TULP4: variants seen among roughly 807,000 people sequenced by gnomAD.
TULP4 encodes TUB like protein 4.
Under a neutral mutation model 129.0 loss-of-function variants are expected in TULP4, and 16 were observed. The observed-to-expected ratio is 0.12, with a 90% CI of 0.08 to 0.19. TULP4 has a LOEUF of 0.19. TULP4 is among the 10% of genes least tolerant of loss of function. TULP4 has a pLI of 1.00. For synonymous variants in TULP4, 998 were observed against 854.0 expected, an observed-to-expected ratio of 1.17 and a Z score of -2.94; for missense variants, 1,842 against 2,059.1, an observed-to-expected ratio of 0.89 and a Z score of 2.04.
upstream of TULP4, among the ~76,000 whole-genome samples, chr6:158,309,497 G>A (rs1779296803): frequency 1.3e-5 from 2 of 151,888 alleles, no homozygotes; most frequent in Non-Finnish European, 2.9e-5. Flanking sequence ...GTGGCGGCCG[G>A]GCAGAGGCTG....
chr6:158,380,916 G>A (rs866674098), intron 1 of TULP4, among the ~76,000 whole-genome samples: 312 of 79,968 alleles, frequency 3.9e-3, no homozygotes, highest in African/African-American at 8.6e-3. Context: ...AAAAAAAGAA[G>A]AAGAAGAAGA....
chr6:158,349,721 C>T (rs1369073735), intron 1 of TULP4, among the ~76,000 whole-genome samples: 1 of 131,668 alleles, frequency 7.6e-6, no homozygotes, highest in Admixed American at 7.8e-5. Context: ...GATGGGCGGC[C>T]GGGCAGAGGT....
intron 1 of TULP4, among the ~76,000 whole-genome samples, chr6:158,243,847 GGTGTGTGT>G (rs57298904): frequency 0.042 from 6,095 of 143,548 alleles, 175 homozygotes; most frequent in Admixed American, 0.08. Context: ...AGCTGAAATA[GGTGTGTGT>G]GTGTGTGTGT....
Position 158,420,504 on chromosome 6 carries a change from C to G in TULP4, c.381+7311C>G, listed in dbSNP as rs77490148. ...TTTTTGTTTTGTTTTGTTTTCTGAC[C>G]GAGTTTCATTCTTGTTGCCTAGGCT... On this transcript the variant is annotated intron_variant, in intron 2 of 13. Coordinates refer to ENST00000367097, the MANE Select transcript of TULP4 (RefSeq NM_020245.5). Among the ~76,000 whole-genome samples the G allele has an allele frequency of 5.2e-4, 79 of 152,184 alleles. No individual in the cohort carries two copies. In the East Asian group the frequency reaches 0.014, roughly 27 times the overall value.
At chr6:158,459,903 T>C (rs1235385218) in intron 5 of TULP4, among the ~76,000 whole-genome samples, 2 of 152,182 alleles carry the variant, frequency 1.3e-5, no homozygotes, top group East Asian at 3.8e-4. Context: ...CTGAGATAGA[T>C]CCAGGCATTG....
At chr6:158,242,121 A>C (rs1180661519) in intron 1 of TULP4, 4 of 875,882 alleles carry the variant, frequency 4.6e-6, no homozygotes, top group Non-Finnish European at 7.8e-6. Context: ...GAAGCTGCAG[A>C]ATATAGGCCA....
intron 3 of TULP4, among the ~76,000 whole-genome samples, chr6:158,438,986 A>G (rs1157592986): frequency 6.6e-6 from 1 of 152,054 alleles, no homozygotes; most frequent in Non-Finnish European, 1.5e-5. Flanking sequence ...CTTGGCTAAC[A>G]CGGTGAAACT....
chr6:158,309,690 A>G (rs1218704632), upstream of TULP4, among the ~76,000 whole-genome samples: 2 of 152,044 alleles, frequency 1.3e-5, no homozygotes, highest in Non-Finnish European at 2.9e-5. Context: ...GGAGCTGGAG[A>G]CCAGCCTGGC....
intron 3 of TULP4, among the ~76,000 whole-genome samples, chr6:158,441,612 G>A (rs1478449057): frequency 6.6e-6 from 1 of 152,156 alleles, no homozygotes; most frequent in African/African-American, 2.4e-5. Context: ...GTGTTAGGAG[G>A]GGTGAGATGT....
At chr6:158,361,945 A>G (rs1008139340) in intron 1 of TULP4, among the ~76,000 whole-genome samples, 1 of 152,220 alleles carries the variant, frequency 6.6e-6, no homozygotes, top group Non-Finnish European at 1.5e-5. Context: ...TCTGATCATC[A>G]GCATAAAATT....
intron 1 of TULP4, among the ~76,000 whole-genome samples, chr6:158,259,953 A>G (rs1365807321): frequency 2.6e-5 from 4 of 152,156 alleles, no homozygotes; most frequent in African/African-American, 4.8e-5. Context: ...TGGCACATCA[A>G]TGTATTCATC....
intron 5 of TULP4, among the ~76,000 whole-genome samples, chr6:158,459,809 C>T (rs965405862): frequency 1.3e-5 from 2 of 152,128 alleles, no homozygotes; most frequent in African/African-American, 4.8e-5. Context: ...TATGTTAGTG[C>T]CTCACCTTTT....
In TULP4 at chr6:158,481,404, T is replaced by C. The variant is rs760960903; in HGVS notation, c.1486+115T>C. ...TAATGAAACGTGAGCCTGTGGGGGC[T>C]AGTGTGGAACATCCTTGAAGCTACG... is the stretch of plus-strand genomic sequence containing the variant. On this transcript the variant is annotated intron_variant, in intron 8 of 13. Coordinates refer to ENST00000367097, the MANE Select transcript of TULP4 (RefSeq NM_020245.5). The C allele has an allele frequency of 5.4e-6, 5 of 926,452 alleles. No individual in the cohort carries two copies. The South Asian group carries it at 7.1e-5, about 13-fold the overall frequency. 57.4% of individuals were successfully genotyped at this position (926,452 alleles called of 1,614,324 possible).
intron 9 of TULP4, 97 bp downstream of exon 9, chr6:158,489,829 C>T: frequency 7.1e-7 from 1 of 1,413,650 alleles, no homozygotes; most frequent in Non-Finnish European, 9.6e-7. Context: ...CCAGAAGAGT[C>T]AAAGAGCAAC....
At chr6:158,255,807 A>G (rs188717625) in intron 1 of TULP4, among the ~76,000 whole-genome samples, 1 of 152,332 alleles carries the variant, frequency 6.6e-6, no homozygotes, top group African/African-American at 2.4e-5. Flanking sequence ...TTGCAACCGA[A>G]GATGTGCTAA....
At chr6:158,359,352 T>A (rs1457597535) in intron 1 of TULP4, among the ~76,000 whole-genome samples, 1 of 152,140 alleles carries the variant, frequency 6.6e-6, no homozygotes, top group East Asian at 1.9e-4. Context: ...GGGACAGAAT[T>A]AATAGGACAG....
chr6:158,328,734 T>C (rs181434283), intron 1 of TULP4, among the ~76,000 whole-genome samples: 1 of 149,574 alleles, frequency 6.7e-6, no homozygotes, highest in East Asian at 2.0e-4. Flanking sequence ...TCTAGGACAC[T>C]GGACACTAAT....
intron 8 of TULP4, among the ~76,000 whole-genome samples, chr6:158,485,143 T>G (rs764671161): frequency 8.5e-5 from 13 of 152,214 alleles, no homozygotes; most frequent in Non-Finnish European, 1.6e-4. Flanking sequence ...GTTTACTGTT[T>G]CATGGAAGGT....
At chr6:158,261,534 A>G (rs529927046) in intron 1 of TULP4, among the ~76,000 whole-genome samples, 4 of 152,332 alleles carry the variant, frequency 2.6e-5, no homozygotes, top group South Asian at 4.1e-4. Flanking sequence ...CAAGGGTAAG[A>G]TCCAATTATT....
Sources: allele counts gnomAD v4.1 joint callset (sites outside exome capture counted in the v4.1 genomes callset), GRCh38; gene constraint gnomAD v4.1.1; transcripts MANE v1.5; gene names NCBI Gene and HGNC (gene_info 2026-07-23, HGNC 2026-07-21).